RASSF8: variants seen among roughly 807,000 people sequenced by gnomAD.
RASSF8 encodes Ras association domain family member 8, also known as ras association domain-containing protein 8.
A neutral mutation model predicts 48.5 loss-of-function variants in RASSF8; 22 were observed. The ratio of observed to expected loss-of-function variants is 0.45; its 90% CI spans 0.32 to 0.65. The LOEUF (loss-of-function observed/expected upper bound fraction) is 0.65. Ranked by LOEUF, RASSF8 falls within the 30% of genes least tolerant of loss-of-function variation. The pLI is 0.03. For missense variants in RASSF8, 418 were observed against 489.2 expected (o/e 0.85, Z 1.37); for synonymous variants, 127 against 171.5 (o/e 0.74, Z 2.03).
At chr12:25,965,363 CTTTTTTT>C (rs11420016) in intron 1 of RASSF8, among the ~76,000 whole-genome samples, 9 of 116,884 alleles carry the variant, frequency 7.7e-5, no homozygotes, top group South Asian at 2.9e-4. Context: ...TCCCAAATTT[CTTTTTTT>C]TTTTTTTTTT....
upstream of RASSF8, chr12:25,958,480 G>C (rs1220540203): frequency 1.3e-5 from 2 of 151,450 alleles, no homozygotes; most frequent in Admixed American, 6.6e-5. Flanking sequence ...GTTCCGTTAC[G>C]AGGTCTCTCC....
At chr12:25,992,608 C>A (rs1249833917) in intron 1 of RASSF8, among the ~76,000 whole-genome samples, 1 of 152,012 alleles carries the variant, frequency 6.6e-6, no homozygotes, top group Non-Finnish European at 1.5e-5. Flanking sequence ...TTTGGTAAGG[C>A]CCGCACCTGG....
chr12:26,053,691 A>G (rs1943542629), intron 2 of RASSF8, among the ~76,000 whole-genome samples: 1 of 152,218 alleles, frequency 6.6e-6, no homozygotes, highest in African/African-American at 2.4e-5. Flanking sequence ...TGAGGAGCAC[A>G]GTTATGGAAT....
At chr12:25,967,968 G>A (rs1941396888) in intron 1 of RASSF8, among the ~76,000 whole-genome samples, 1 of 152,204 alleles carries the variant, frequency 6.6e-6, no homozygotes, top group South Asian at 2.1e-4. Context: ...TTCTCTATCA[G>A]TAATCCATCC....
intron 2 of RASSF8, among the ~76,000 whole-genome samples, chr12:26,041,073 T>C: frequency 6.6e-6 from 1 of 151,698 alleles, no homozygotes; most frequent in Non-Finnish European, 1.5e-5. Flanking sequence ...TTTGTATTTT[T>C]AGTAGAGACG....
At chr12:25,961,762 C>A (rs2136814873) in intron 1 of RASSF8, among the ~76,000 whole-genome samples, 1 of 152,302 alleles carries the variant, frequency 6.6e-6, no homozygotes, top group East Asian at 1.9e-4. Flanking sequence ...CAGAATTGAG[C>A]TCTTGGTCAC....
chr12:26,027,957 A>T (rs1334337465), intron 2 of RASSF8, among the ~76,000 whole-genome samples: 1 of 152,132 alleles, frequency 6.6e-6, no homozygotes, highest in Non-Finnish European at 1.5e-5. Context: ...GCTGTGAGGA[A>T]CGTCAGCTGT....
At position 26,022,325 on chromosome 12, in the gene RASSF8, C is replaced by T. The variant is rs1366868818; in HGVS notation, c.-109+27195C>T. On this transcript the variant is annotated intron_variant, in intron 2 of 5. Transcript: ENST00000689635. The stretch of plus-strand genomic sequence containing the variant: ...GGCTTCACGCTGCAGGAGAAATAGA[C>T]TTCCCAAAATAGTCAAGTTACTCAA... Among the ~76,000 whole-genome samples, 5 of 152,304 alleles carry T rather than the reference C, an allele frequency of 3.3e-5. No individual in the cohort carries two copies. In the East Asian group the frequency reaches 9.6e-4, roughly 29 times the overall value.
chr12:26,063,330 TCTTA>T (rs1435505092), intron 3 of RASSF8, among the ~76,000 whole-genome samples: 8 of 152,336 alleles, frequency 5.3e-5, no homozygotes, highest in Admixed American at 2.6e-4. Flanking sequence ...TGAAACTTTA[TCTTA>T]CTTTCATAAT....
At chr12:25,979,343 C>G (rs138006960) in intron 1 of RASSF8, among the ~76,000 whole-genome samples, 27 of 152,036 alleles carry the variant, frequency 1.8e-4, no homozygotes, top group Non-Finnish European at 3.5e-4. Flanking sequence ...AAAAGAGCCT[C>G]AAGAACAAAG....
At chr12:25,984,331 A>G (rs1941820504) in intron 1 of RASSF8, among the ~76,000 whole-genome samples, 1 of 145,792 alleles carries the variant, frequency 6.9e-6, no homozygotes, top group South Asian at 2.1e-4. Flanking sequence ...CTCCTGCTTC[A>G]GCCTTCCAAA....
chr12:25,972,844 A>C (rs1427435652), intron 1 of RASSF8, among the ~76,000 whole-genome samples: 1 of 152,232 alleles, frequency 6.6e-6, no homozygotes, highest in African/African-American at 2.4e-5. Flanking sequence ...CAGATCGAGA[A>C]TACAGCATTA....
intron 2 of RASSF8, among the ~76,000 whole-genome samples, chr12:26,046,646 G>A (rs545458448): frequency 1.3e-5 from 2 of 148,770 alleles, no homozygotes; most frequent in South Asian, 2.2e-4. Context: ...AGACCAGCTG[G>A]GCAACATAAG....
chr12:26,010,953 T>G (rs1378204710), intron 2 of RASSF8, among the ~76,000 whole-genome samples: 3 of 152,132 alleles, frequency 2.0e-5, no homozygotes, highest in African/African-American at 7.2e-5. Flanking sequence ...TTAAGTGTTG[T>G]AAGGGCCCTC....
chr12:25,980,655 G>C (rs2063620), intron 1 of RASSF8, among the ~76,000 whole-genome samples: 83,025 of 151,928 alleles, frequency 0.55, 23,159 homozygotes, highest in Non-Finnish European at 0.61. Flanking sequence ...GTGGGGTGGG[G>C]GTAGTACTAA....
chr12:26,044,846 C>T (rs919410305), intron 2 of RASSF8, among the ~76,000 whole-genome samples: 4 of 151,970 alleles, frequency 2.6e-5, no homozygotes, highest in Non-Finnish European at 5.9e-5. Context: ...TGCAGAGCAG[C>T]ACACAGTATC....
chr12:25,996,996 T>G (rs546820390), intron 2 of RASSF8, among the ~76,000 whole-genome samples: 1 of 152,314 alleles, frequency 6.6e-6, no homozygotes, highest in Non-Finnish European at 1.5e-5. Flanking sequence ...TTTAATTTCT[T>G]GCAATCAGAA....
intron 2 of RASSF8, among the ~76,000 whole-genome samples, chr12:25,995,659 G>A (rs1942116017): frequency 6.6e-6 from 1 of 151,948 alleles, no homozygotes; most frequent in Non-Finnish European, 1.5e-5. Context: ...TAAGTCAAGG[G>A]GGGGCATAAA....
chr12:26,073,092 A>G (rs1385089094), downstream of RASSF8, among the ~76,000 whole-genome samples: 1 of 152,232 alleles, frequency 6.6e-6, no homozygotes. Context: ...AAGAAATGAT[A>G]TCTTAATGAA....
Sources: gnomAD v4.1 joint callset for allele counts (sites outside exome capture counted in the v4.1 genomes callset) on GRCh38, gnomAD v4.1.1 for gene constraint, MANE v1.5 for transcripts, NCBI Gene and HGNC (gene_info 2026-07-23, HGNC 2026-07-21) for gene names.